The following LYPD6B variants were observed in gnomAD, a reference collection of about 807,000 sequenced individuals.
LYPD6B encodes the protein LY6/PLAUR domain containing 6B.
Under a neutral mutation model 22.8 loss-of-function variants are expected in LYPD6B, and 17 were observed. The ratio of observed to expected loss-of-function variants is 0.75; its 90% CI spans 0.51 to 1.12. The LOEUF (loss-of-function observed/expected upper bound fraction) is 1.12, where lower values mean the gene tolerates loss of function less well. LYPD6B is among the 50% of genes most tolerant of loss of function. The pLI is 0.00. For synonymous variants in LYPD6B, 106 were observed against 91.6 expected (o/e 1.16, Z -0.90); for missense variants, 221 against 258.3 (o/e 0.86, Z 0.99).
chr2:149,133,687 T>G (rs758167694), intron 2 of LYPD6B, among the ~76,000 whole-genome samples: 18 of 152,218 alleles, frequency 1.2e-4, no homozygotes, highest in Non-Finnish European at 2.4e-4. Flanking sequence ...CTTTGACTTT[T>G]TGTAGAGTGC....
At chr2:149,064,700 G>A (rs532778223) in intron 1 of LYPD6B, among the ~76,000 whole-genome samples, 3 of 152,334 alleles carry the variant, frequency 2.0e-5, no homozygotes, top group Non-Finnish European at 2.9e-5. Context: ...TTAGCTCACT[G>A]CAGGCAGGAA....
chr2:149,087,976 G>T (rs1685475946), intron 1 of LYPD6B, among the ~76,000 whole-genome samples: 2 of 152,102 alleles, frequency 1.3e-5, no homozygotes, highest in Admixed American at 1.3e-4. Flanking sequence ...TCTCTTTGCA[G>T]GTAAAGAATT....
At chr2:149,125,316 A>T (rs1026215372) in intron 1 of LYPD6B, among the ~76,000 whole-genome samples, 1 of 152,122 alleles carries the variant, frequency 6.6e-6, no homozygotes, top group African/African-American at 2.4e-5. Context: ...TAAGTAGATT[A>T]CTCTCTAGAC....
intron 1 of LYPD6B, among the ~76,000 whole-genome samples, chr2:149,073,143 A>C (rs1449472660): frequency 6.6e-6 from 1 of 152,190 alleles, no homozygotes; most frequent in Admixed American, 6.5e-5. Context: ...AGAGCTGTTT[A>C]GAGTTTTTTG....
chr2:149,171,559 T>G (rs983527781), intron 3 of LYPD6B, among the ~76,000 whole-genome samples: 13 of 151,436 alleles, frequency 8.6e-5, no homozygotes, highest in African/African-American at 3.1e-4. Context: ...ATCCCCAGCC[T>G]ATTTTCTTGT....
chr2:149,083,230 G>A (rs1461055598), intron 1 of LYPD6B, among the ~76,000 whole-genome samples: 5 of 152,138 alleles, frequency 3.3e-5, no homozygotes, highest in East Asian at 1.9e-4. Flanking sequence ...CTTCTGTCTC[G>A]CTCTCTAAGT....
chr2:149,042,968 A>G (rs2105251932), intron 1 of LYPD6B, among the ~76,000 whole-genome samples: 2 of 152,312 alleles, frequency 1.3e-5, no homozygotes, highest in Middle Eastern at 6.8e-3. Context: ...ATTGTTCCTA[A>G]ATATGATTTA....
intron 3 of LYPD6B, among the ~76,000 whole-genome samples, chr2:149,186,773 A>G (rs544817343): frequency 3.3e-4 from 50 of 152,284 alleles, no homozygotes; most frequent in African/African-American, 1.2e-3. Context: ...AGTTGGTAAA[A>G]CAGTGACAGG....
intron 1 of LYPD6B, among the ~76,000 whole-genome samples, chr2:149,053,087 C>T (rs914399663): frequency 1.3e-5 from 2 of 152,042 alleles, no homozygotes; most frequent in African/African-American, 4.8e-5. Context: ...TAAATATTCG[C>T]ATGTGTCTAC....
chr2:149,060,175 G>T (rs1684008215), intron 1 of LYPD6B, among the ~76,000 whole-genome samples: 1 of 152,138 alleles, frequency 6.6e-6, no homozygotes, highest in Non-Finnish European at 1.5e-5. Context: ...AGGCAAGGTG[G>T]GCTAGGCACT....
At chr2:149,167,224 A>G (rs1398511162) in intron 3 of LYPD6B, among the ~76,000 whole-genome samples, 2 of 152,150 alleles carry the variant, frequency 1.3e-5, no homozygotes, top group East Asian at 3.9e-4. Context: ...CTGCAGTTGA[A>G]TAGCTCAGCC....
chr2:149,201,872 G>A (rs1693180251), intron 3 of LYPD6B, among the ~76,000 whole-genome samples: 1 of 152,180 alleles, frequency 6.6e-6, no homozygotes, highest in Non-Finnish European at 1.5e-5. Context: ...TGTGCTATGT[G>A]GAAGTTTTTT....
At chr2:149,113,609 C>G (rs958729570) in intron 1 of LYPD6B, among the ~76,000 whole-genome samples, 1 of 152,064 alleles carries the variant, frequency 6.6e-6, no homozygotes, top group South Asian at 2.1e-4. Flanking sequence ...ATGTAAGGTG[C>G]TTTCATGTGT....
chr2:149,196,069 G>A (rs1692789653), intron 3 of LYPD6B, among the ~76,000 whole-genome samples: 1 of 152,080 alleles, frequency 6.6e-6, no homozygotes, highest in Admixed American at 6.5e-5. Context: ...TTTTCATTTT[G>A]CAATTAAAAC....
In LYPD6B at chr2:149,166,358, A is replaced by T. The variant is rs1368996022; in HGVS notation, c.77+5523A>T. 3.3e-5 allele frequency among the ~76,000 whole-genome samples: 5 copies of T among 152,296 alleles called. No homozygotes were observed. In the East Asian group the frequency reaches 9.7e-4, roughly 29 times the overall value. On this transcript the variant is annotated intron_variant, in intron 3 of 6. Transcript: ENST00000409642. Reference sequence around the variant, plus strand: ...TTTTGAGGTCACCCTTGCAGCCATGAATAAAGTGGCTCATAGTACCAATAT... The same window carrying T: ...TTTTGAGGTCACCCTTGCAGCCATGTATAAAGTGGCTCATAGTACCAATAT...
At chr2:149,115,009 G>A (rs545629460) in intron 1 of LYPD6B, among the ~76,000 whole-genome samples, 13 of 152,164 alleles carry the variant, frequency 8.5e-5, no homozygotes, top group African/African-American at 2.7e-4. Flanking sequence ...GCATGGTCTC[G>A]GCTCACTGCA....
rs1684551417 is a variant in LYPD6B, at chr2:149,070,503, T to TCCCA, written c.-67+31702_-67+31703insCCCA. On this transcript the variant is annotated intron_variant, in intron 1 of 6. Coordinates refer to ENST00000409642, the MANE Select transcript of LYPD6B (RefSeq NM_177964.5). The stretch of plus-strand genomic sequence containing the variant: ...ATAACCTTCCTAAGACTATGGTAAT[T>TCCCA]GTATTTTCGATGGTATTCCCAGTGC... Among the ~76,000 whole-genome samples the TCCCA allele has an allele frequency of 2.0e-4, 30 of 152,208 alleles. 1 individual carries two copies. Among genetic ancestry groups the TCCCA allele is most frequent in the Admixed American group, 2.0e-3 (30 of 15,276 alleles).
intron 1 of LYPD6B, among the ~76,000 whole-genome samples, chr2:149,087,528 C>T (rs150661514): frequency 5.3e-5 from 8 of 151,986 alleles, no homozygotes; most frequent in African/African-American, 1.9e-4. Context: ...ATTATGTCGC[C>T]GCACTCTAGC....
At chr2:149,104,564 G>T (rs1455639413) in intron 1 of LYPD6B, among the ~76,000 whole-genome samples, 8 of 151,990 alleles carry the variant, frequency 5.3e-5, no homozygotes, top group Non-Finnish European at 5.9e-5. Flanking sequence ...TTAAAAATTT[G>T]GATTGTTTTC....
Sources: allele counts gnomAD v4.1 joint callset (sites outside exome capture counted in the v4.1 genomes callset), GRCh38; gene constraint gnomAD v4.1.1; transcripts MANE v1.5; gene names NCBI Gene and HGNC (gene_info 2026-07-23, HGNC 2026-07-21).